Variants in SMURF1 observed in about 807,000 individuals in gnomAD.
The protein encoded by SMURF1 is E3 ubiquitin-protein ligase SMURF1.
SMURF1 carries 44 observed loss-of-function variants against 98.0 expected under a neutral mutation model. The ratio of observed to expected loss-of-function variants is 0.45; its 90% CI spans 0.35 to 0.58. The LOEUF (loss-of-function observed/expected upper bound fraction) is 0.58. Ranked by LOEUF, SMURF1 falls within the 20% of genes least tolerant of loss-of-function variation. The pLI is 0.00. For missense variants in SMURF1, 687 were observed against 938.4 expected (o/e 0.73, Z 3.50); for synonymous variants, 396 against 374.9 (o/e 1.06, Z -0.65).
rs567536567 is a variant in SMURF1 at position 99,029,174 on chromosome 7, C to G, written c.*1410G>C. ...GCCATCTCAGACCCACAGCGGGATCCCAGAGACTTCGACAGCAGTGAAATG... is the reference window on the plus strand; with the variant it reads ...GCCATCTCAGACCCACAGCGGGATCGCAGAGACTTCGACAGCAGTGAAATG... On this transcript the variant is annotated 3_prime_UTR_variant, in exon 18 of 18. Transcript: ENST00000361368. The G allele has an allele frequency of 2.6e-5, 4 of 152,824 alleles. No individual in the cohort carries two copies. In the East Asian group the frequency reaches 5.8e-4, roughly 22 times the overall value. The allele number at this position is 152,824 out of a possible 1,614,324, so 9.5% of individuals were successfully genotyped here. A position where few individuals can be genotyped will look rare whatever the true frequency, so the allele number is the denominator to read the frequency against.
At position 99,045,782 on chromosome 7, in the gene SMURF1, A is replaced by G. The variant is rs765311429; in HGVS notation, c.1172T>C (p.Met391Thr). ...TTTCAAGTCTTTCGGTCGCATCTTC[A>G]TTATCTGGCGGTAAGACTCCTGAAG... ...EIFEESYRQI[M>T]KMRPKDLKKR... The change falls in exon 11 of 18, where the codon ATG becomes ACG. Residue 391 changes from methionine to threonine, a missense_variant. Around this residue, in one of 2 missense-constraint regions of SMURF1, gnomAD observed 415 missense variants for 508.4 expected, o/e 0.82. Transcript: ENST00000361368. 3.7e-6 allele frequency: 6 copies of G among 1,614,086 alleles called. No individual in the cohort carries two copies. Among genetic ancestry groups the G allele is most frequent in the Non-Finnish European group, 5.1e-6 (6 of 1,179,904 alleles).
intron 14 of SMURF1, among the ~76,000 whole-genome samples, chr7:99,037,661 G>A (rs778598810): frequency 5.3e-5 from 8 of 152,180 alleles, no homozygotes; most frequent in Admixed American, 4.6e-4. Context: ...TTGGCATCAC[G>A]TTAAAAATGA....
intron 13 of SMURF1, among the ~76,000 whole-genome samples, chr7:99,040,019 C>T (rs190063756): frequency 2.0e-5 from 3 of 152,272 alleles, no homozygotes; most frequent in Non-Finnish European, 4.4e-5. Context: ...CGTCTGTGAT[C>T]GCGCCTTCTT....
At chr7:99,062,525 G>A (rs1358751211) in intron 1 of SMURF1, among the ~76,000 whole-genome samples, 1 of 152,152 alleles carries the variant, frequency 6.6e-6, no homozygotes, top group African/African-American at 2.4e-5. Flanking sequence ...TCAGGGTAGT[G>A]TGAACAAAAA....
intron 1 of SMURF1, among the ~76,000 whole-genome samples, chr7:99,063,596 C>A (rs527281109): frequency 2.0e-5 from 3 of 151,452 alleles, no homozygotes; most frequent in Non-Finnish European, 4.4e-5. Flanking sequence ...AACCAAGATA[C>A]GATTTATATA....
rs548735363 is a variant in SMURF1 at position 99,140,909 on chromosome 7, T to C, written c.55+2817A>G. Among the ~76,000 whole-genome samples, 7 of 152,338 alleles carry C rather than the reference T, an allele frequency of 4.6e-5. No homozygotes were observed. The East Asian group carries it at 1.3e-3, about 29-fold the overall frequency. ...CCAGAAGTGAGAATTCAAACTTCCC[T>C]TAACCAGAAAGATGAGACTAAAACC... On this transcript the variant is annotated intron_variant, in intron 1 of 17. Coordinates refer to ENST00000361368, the MANE Select transcript of SMURF1 (RefSeq NM_181349.3).
chr7:99,092,950 T>C (rs568642168), intron 1 of SMURF1, among the ~76,000 whole-genome samples: 2 of 152,140 alleles, frequency 1.3e-5, no homozygotes, highest in African/African-American at 2.4e-5. Flanking sequence ...ACACACCTAC[T>C]GAGAATAATG....
At chr7:99,114,103 G>A (rs955275405) in intron 1 of SMURF1, among the ~76,000 whole-genome samples, 1 of 151,956 alleles carries the variant, frequency 6.6e-6, no homozygotes, top group Admixed American at 6.6e-5. Flanking sequence ...TAAGAGCAAA[G>A]TTTTTATATA....
intron 1 of SMURF1, among the ~76,000 whole-genome samples, chr7:99,113,843 A>T (rs113802425): frequency 6.8e-6 from 1 of 148,112 alleles, no homozygotes. Flanking sequence ...CGTCTAAAAA[A>T]AAAAAAAAAA....
chr7:99,044,657 C>A (rs1335603877), intron 11 of SMURF1, among the ~76,000 whole-genome samples: 1 of 151,628 alleles, frequency 6.6e-6, no homozygotes, highest in African/African-American at 2.4e-5. Flanking sequence ...GTTGATACAT[C>A]AAAAAAATAA....
chr7:99,036,921 T>C (rs1795167610), intron 15 of SMURF1, 146 bp downstream of exon 15: 1 of 1,210,778 alleles, frequency 8.3e-7, no homozygotes, highest in Non-Finnish European at 1.2e-6. Flanking sequence ...CCACTCTTGC[T>C]CCAGCCCTGG....
At position 99,030,606 on chromosome 7, in the gene SMURF1, G is replaced by A; in HGVS notation, c.2174C>T (p.Thr725Ile). Reference sequence around the variant, plus strand: ...TTTTCACTCCACAGCAAACCCGCAGGTCTCCTCCACGGCTGTCAGCAGCTT... The same window carrying A: ...TTTTCACTCCACAGCAAACCCGCAGATCTCCTCCACGGCTGTCAGCAGCTT... The part of the protein sequence containing the change: ...YEKLLTAVEE[T>I]CGFAVE Residue 725 changes from threonine to isoleucine, a missense_variant, in exon 18 of 18, where the codon ACC becomes ATC. Physicochemically the swap from Thr to Ile is moderately conservative, Grantham distance 89. This residue lies in a region of SMURF1 where 272 missense variants were observed against 430.0 expected (regional missense o/e 0.63). Coordinates refer to ENST00000361368, the MANE Select transcript of SMURF1 (RefSeq NM_181349.3). 1 of 1,614,178 alleles carries A rather than the reference G, an allele frequency of 6.2e-7. No individual in the cohort carries two copies. The highest frequency in any genetic ancestry group is 8.5e-7 in the Non-Finnish European group (1 of 1,180,036).
At chr7:99,115,158 T>A (rs991473466) in intron 1 of SMURF1, among the ~76,000 whole-genome samples, 2 of 151,344 alleles carry the variant, frequency 1.3e-5, no homozygotes, top group African/African-American at 2.4e-5. Context: ...ATAAGTGAAA[T>A]AGAGAATAAA....
At chr7:99,042,263 A>C in intron 11 of SMURF1, 31 bp from the exon 12 acceptor site, 3 of 1,467,310 alleles carry the variant, frequency 2.0e-6, no homozygotes, top group African/African-American at 1.4e-5. Context: ...TGCATTTGAG[A>C]CGCGCTAAAA....
At chr7:99,038,237 G>T (rs769082613) in intron 14 of SMURF1, 151 bp downstream of exon 14, 1 of 925,792 alleles carries the variant, frequency 1.1e-6, no homozygotes, top group Non-Finnish European at 1.6e-6. Flanking sequence ...CTGAGCTGTC[G>T]GTTTCTGAAA....
At chr7:99,040,906 C>G (rs931308680) in intron 12 of SMURF1, among the ~76,000 whole-genome samples, 3 of 152,120 alleles carry the variant, frequency 2.0e-5, no homozygotes, top group Admixed American at 2.0e-4. Context: ...GGCCTCGGCA[C>G]CATGCTGGAC....
At chr7:99,082,367 G>A (rs954417756) in intron 1 of SMURF1, among the ~76,000 whole-genome samples, 1 of 152,128 alleles carries the variant, frequency 6.6e-6, no homozygotes, top group Non-Finnish European at 1.5e-5. Context: ...AAGTATTGAA[G>A]ATTTATTCCT....
intron 3 of SMURF1, among the ~76,000 whole-genome samples, chr7:99,058,671 ATAATT>A (rs1795945623): frequency 6.6e-6 from 1 of 152,240 alleles, no homozygotes; most frequent in African/African-American, 2.4e-5. Context: ...ATCTTAGAAT[ATAATT>A]CTTAAAAATC....
At chr7:99,141,655 ATATCTT>A (rs1348031207) in intron 1 of SMURF1, among the ~76,000 whole-genome samples, 1 of 152,198 alleles carries the variant, frequency 6.6e-6, no homozygotes, top group African/African-American at 2.4e-5. Context: ...TCATTATTTG[ATATCTT>A]TATACAAAAA....
Sources: gnomAD v4.1 joint callset for allele counts (sites outside exome capture counted in the v4.1 genomes callset) on GRCh38, gnomAD v4.1.1 for gene constraint, gnomAD v4.1.1 regional missense constraint, MANE v1.5 for transcripts, NCBI Gene and HGNC (gene_info 2026-07-23, HGNC 2026-07-21) for gene names.